Variants in NDST3 observed in about 807,000 individuals in gnomAD.
NDST3 encodes the protein bifunctional heparan sulfate N-deacetylase/N-sulfotransferase 3.
NDST3 carries 58 observed loss-of-function variants against 96.1 expected under a neutral mutation model. That is an observed-to-expected ratio of 0.60 (90% CI 0.49 to 0.75). NDST3 has a LOEUF of 0.75. Among genes scored for constraint, NDST3 ranks in the 30% least tolerant of loss-of-function variants. The pLI, the probability that NDST3 is intolerant of heterozygous loss-of-function variation, is 0.00. For synonymous variants in NDST3, 333 were observed against 359.7 expected (o/e 0.93, Z 0.84); for missense variants, 788 against 1,034.2 (o/e 0.76, Z 3.27).
intron 12 of NDST3, among the ~76,000 whole-genome samples, 186 bp downstream of exon 12, chr4:118,242,335 G>A (rs1181979758): frequency 2.6e-5 from 4 of 151,876 alleles, no homozygotes; most frequent in Non-Finnish European, 5.9e-5. Context: ...TAAATCCTGT[G>A]TTAATTCCTA....
At chr4:118,181,681 C>G (rs1209220411) in intron 6 of NDST3, among the ~76,000 whole-genome samples, 2 of 152,104 alleles carry the variant, frequency 1.3e-5, no homozygotes, top group Non-Finnish European at 2.9e-5. Flanking sequence ...CTGGGACAAA[C>G]AGCAAATATT....
chr4:118,182,515 G>C (rs942428281), intron 6 of NDST3, among the ~76,000 whole-genome samples: 2 of 152,056 alleles, frequency 1.3e-5, no homozygotes, highest in African/African-American at 2.4e-5. Context: ...GTGACAACAG[G>C]CAAATGATAC....
intron 2 of NDST3, among the ~76,000 whole-genome samples, chr4:118,067,904 T>C (rs547974749): frequency 6.6e-6 from 1 of 151,550 alleles, no homozygotes; most frequent in Non-Finnish European, 1.5e-5. Context: ...ACATGTATCC[T>C]GGAACTTAAA....
At chr4:118,227,227 GT>G (rs1553946913) in intron 8 of NDST3, among the ~76,000 whole-genome samples, 8 of 40,548 alleles carry the variant, frequency 2.0e-4, no homozygotes, top group African/African-American at 3.3e-4. Flanking sequence ...GGTAGCACAT[GT>G]TTTTTTTTTT....
chr4:118,078,726 C>T (rs1423098854), intron 2 of NDST3, among the ~76,000 whole-genome samples: 1 of 143,586 alleles, frequency 7.0e-6, no homozygotes, highest in East Asian at 2.0e-4. Context: ...TCCAGCCTGG[C>T]CAACAGAGCC....
chr4:118,252,719 C>CTG, intron 12 of NDST3, among the ~76,000 whole-genome samples: 1 of 152,062 alleles, frequency 6.6e-6, no homozygotes, highest in Admixed American at 6.5e-5. Context: ...GGAGAAACTC[C>CTG]GTCTCTACTA....
chr4:118,213,229 T>G (rs1179270639), intron 6 of NDST3, among the ~76,000 whole-genome samples: 1 of 152,228 alleles, frequency 6.6e-6, no homozygotes, highest in Non-Finnish European at 1.5e-5. Flanking sequence ...TCACCATTCA[T>G]GAACTCCAGT....
At chr4:118,109,368 C>A (rs1730458508) in intron 3 of NDST3, among the ~76,000 whole-genome samples, 1 of 152,158 alleles carries the variant, frequency 6.6e-6, no homozygotes, top group South Asian at 2.1e-4. Flanking sequence ...CCCAGATATG[C>A]TCAAGAAATA....
chr4:118,243,267 C>T (rs1456630090), intron 12 of NDST3, among the ~76,000 whole-genome samples: 1 of 152,056 alleles, frequency 6.6e-6, no homozygotes, highest in Non-Finnish European at 1.5e-5. Context: ...TACCTTTCAA[C>T]AAACTTTGCA....
intron 1 of NDST3, among the ~76,000 whole-genome samples, chr4:118,044,949 G>A (rs545384119): frequency 2.0e-5 from 3 of 152,026 alleles, no homozygotes; most frequent in African/African-American, 7.2e-5. Flanking sequence ...CTTCTTCTTA[G>A]GCCCCACCTC....
At chr4:118,102,003 G>T (rs572127408) in intron 2 of NDST3, among the ~76,000 whole-genome samples, 1 of 151,832 alleles carries the variant, frequency 6.6e-6, no homozygotes, top group African/African-American at 2.4e-5. Context: ...ATCCTGATTG[G>T]TATAGCTTTA....
At chr4:118,058,387 G>A (rs1280175548) in intron 2 of NDST3, among the ~76,000 whole-genome samples, 1 of 141,384 alleles carries the variant, frequency 7.1e-6, no homozygotes, top group African/African-American at 2.7e-5. Flanking sequence ...AGAAGAAACT[G>A]TGACATGGCA....
intron 6 of NDST3, among the ~76,000 whole-genome samples, chr4:118,220,550 G>A (rs528519547): frequency 6.6e-6 from 1 of 152,024 alleles, no homozygotes; most frequent in African/African-American, 2.4e-5. Flanking sequence ...AACCACCATG[G>A]CAAACGTATA....
At chr4:118,134,890 T>C (rs1222453825) in intron 4 of NDST3, among the ~76,000 whole-genome samples, 1 of 152,308 alleles carries the variant, frequency 6.6e-6, no homozygotes, top group East Asian at 1.9e-4. Flanking sequence ...CAAGGATCAA[T>C]GAAAAGACTA....
At chr4:118,138,270 A>G in intron 5 of NDST3, 31 bp downstream of exon 5, 1 of 1,541,472 alleles carries the variant, frequency 6.5e-7, no homozygotes. Context: ...ATAGGGTACA[A>G]CTAATTCTGC....
chr4:118,068,043 A>G (rs1726739575), intron 2 of NDST3, among the ~76,000 whole-genome samples: 1 of 152,076 alleles, frequency 6.6e-6, no homozygotes, highest in Non-Finnish European at 1.5e-5. Flanking sequence ...TCAAGCCATC[A>G]GCAGACTTCA....
chr4:118,117,911 G>T (rs1310002130), intron 4 of NDST3, among the ~76,000 whole-genome samples: 1 of 152,164 alleles, frequency 6.6e-6, no homozygotes, highest in Non-Finnish European at 1.5e-5. Flanking sequence ...AGGAAATGGA[G>T]AACTTGAGGT....
intron 7 of NDST3, 87 bp from the exon 8 acceptor site, chr4:118,226,799 C>A: frequency 1.1e-6 from 1 of 922,016 alleles, no homozygotes; most frequent in South Asian, 1.6e-5. Flanking sequence ...TCCTGGTATA[C>A]TTTTAAAGAA....
intron 6 of NDST3, among the ~76,000 whole-genome samples, chr4:118,167,985 A>G (rs528148749): frequency 6.6e-6 from 1 of 152,198 alleles, no homozygotes; most frequent in Admixed American, 6.5e-5. Flanking sequence ...GAAAAACTTC[A>G]TTACATTAGT....
Sources: allele counts gnomAD v4.1 joint callset (sites outside exome capture counted in the v4.1 genomes callset), GRCh38; gene constraint gnomAD v4.1.1; transcripts MANE v1.5; gene names NCBI Gene and HGNC (gene_info 2026-07-23, HGNC 2026-07-21).